IMPA2: variants seen among roughly 807,000 people sequenced by gnomAD.
The protein encoded by IMPA2 is inositol monophosphatase 2.
A neutral mutation model predicts 35.1 loss-of-function variants in IMPA2; 32 were observed. The ratio of observed to expected loss-of-function variants is 0.91; its 90% CI spans 0.69 to 1.23. IMPA2 has a LOEUF of 1.23. Ranked by LOEUF, IMPA2 falls within the 50% of genes most tolerant of loss-of-function variation. IMPA2 has a pLI of 0.00. For synonymous variants in IMPA2, 135 were observed against 160.6 expected (o/e 0.84, Z 1.20); for missense variants, 334 against 387.6 (o/e 0.86, Z 1.16).
chr18:12,024,400 C>T (rs981691807), intron 5 of IMPA2, among the ~76,000 whole-genome samples: 21 of 152,126 alleles, frequency 1.4e-4, no homozygotes, highest in African/African-American at 2.4e-4. Context: ...AAGAGAACTG[C>T]GTGAACCTGG....
intron 5 of IMPA2, among the ~76,000 whole-genome samples, chr18:12,022,269 C>T (rs1181204375): frequency 6.6e-6 from 1 of 151,910 alleles, no homozygotes; most frequent in South Asian, 2.1e-4. Flanking sequence ...CGGTGGCTCA[C>T]GCCTGTAATC....
intron 4 of IMPA2, among the ~76,000 whole-genome samples, chr18:12,014,019 T>A (rs1344696236): frequency 6.6e-6 from 1 of 152,202 alleles, no homozygotes; most frequent in Non-Finnish European, 1.5e-5. Context: ...TTTTTAAAGT[T>A]TTGTTTGTCT....
At chr18:12,023,780 GA>G (rs1907800941) in intron 5 of IMPA2, among the ~76,000 whole-genome samples, 1 of 152,192 alleles carries the variant, frequency 6.6e-6, no homozygotes, top group South Asian at 2.1e-4. Context: ...TCACTGTCCT[GA>G]TTTTACTGCT....
chr18:12,007,647 C>CTTTCTTTCTTTCTTTCTTTCTT, intron 2 of IMPA2, among the ~76,000 whole-genome samples: 1 of 101,846 alleles, frequency 9.8e-6, no homozygotes, highest in East Asian at 2.8e-4. Context: ...TTCTTTCTTT[C>CTTTCTTTCTTTCTTTCTTTCTT]TTTCTTTCTT....
At chr18:12,025,412 G>C (rs1230869613) in intron 5 of IMPA2, among the ~76,000 whole-genome samples, 1 of 152,204 alleles carries the variant, frequency 6.6e-6, no homozygotes, top group African/African-American at 2.4e-5. Context: ...TGGACGGTAT[G>C]GTAAGAGTAT....
In IMPA2 at chr18:12,028,827, CTT is replaced by C. The variant is rs765593296; in HGVS notation, c.600-14_600-13del. On this transcript the variant is annotated splice_polypyrimidine_tract_variant and intron_variant, in intron 6 of 7. Coordinates refer to ENST00000269159, the MANE Select transcript of IMPA2 (RefSeq NM_014214.3). ...CCACTCCCGCCTGCATCTGTCCTCC[CTT>C]CCCTCTCCCCAGGGTCCGAGTGATT... 1 of 1,613,012 alleles carries C rather than the reference CTT, an allele frequency of 6.2e-7. No homozygotes were observed. The highest frequency in any genetic ancestry group is 8.5e-7 in the Non-Finnish European group (1 of 1,179,504).
chr18:11,999,802 A>G (rs928985523), intron 2 of IMPA2, among the ~76,000 whole-genome samples: 1 of 152,254 alleles, frequency 6.6e-6, no homozygotes, highest in Non-Finnish European at 1.5e-5. Context: ...GATGCTAGCT[A>G]TTAATCTTTT....
intron 4 of IMPA2, among the ~76,000 whole-genome samples, chr18:12,013,395 C>T (rs1315532548): frequency 1.3e-5 from 2 of 152,316 alleles, no homozygotes; most frequent in Admixed American, 1.3e-4. Context: ...TCTGAAAAAG[C>T]GTTGACTGAA....
Position 12,030,666 on chromosome 18 carries a change from A to C in IMPA2, c.*208A>C. 1 of 568,434 alleles carries C rather than the reference A, an allele frequency of 1.8e-6. No homozygotes were observed. 35.2% of individuals were successfully genotyped at this position (568,434 alleles called of 1,614,324 possible). On this transcript the variant is annotated 3_prime_UTR_variant, in exon 8 of 8. Coordinates refer to ENST00000269159, the MANE Select transcript of IMPA2 (RefSeq NM_014214.3). ...TTGGTGTTTAGCTGTTTCTCTCTTT[A>C]ATCTCACGTAGCCTTTTTCAGGTTA...
intron 1 of IMPA2, among the ~76,000 whole-genome samples, chr18:11,986,101 A>G (rs551442881): frequency 3.3e-5 from 5 of 152,272 alleles, no homozygotes; most frequent in Admixed American, 1.3e-4. Context: ...AAATCTCAGG[A>G]CAAAGCAGAA....
chr18:11,995,412 C>T (rs528930997), intron 1 of IMPA2, among the ~76,000 whole-genome samples: 5 of 152,296 alleles, frequency 3.3e-5, no homozygotes, highest in South Asian at 2.1e-4. Context: ...CACGTATCCG[C>T]GTGGTGTGCA....
chr18:11,983,903 G>A (rs1413948829), intron 1 of IMPA2, among the ~76,000 whole-genome samples: 1 of 152,132 alleles, frequency 6.6e-6, no homozygotes, highest in African/African-American at 2.4e-5. Flanking sequence ...CCTGGTTCGG[G>A]GTGTAAAGGT....
intron 7 of IMPA2, among the ~76,000 whole-genome samples, 161 bp from the exon 8 acceptor site, chr18:12,030,182 C>G (rs1242134387): frequency 1.3e-5 from 2 of 152,246 alleles, no homozygotes; most frequent in African/African-American, 4.8e-5. Flanking sequence ...TATTCTTTGC[C>G]GAATTCACTC....
chr18:12,008,442 C>T (rs1256806607), intron 2 of IMPA2: 1 of 503,880 alleles, frequency 2.0e-6, no homozygotes, highest in East Asian at 5.6e-5. Context: ...TAGCGCCTGC[C>T]CAAGGCCTCA....
intron 2 of IMPA2, among the ~76,000 whole-genome samples, chr18:12,006,345 G>C (rs1298284437): frequency 6.6e-6 from 1 of 152,246 alleles, no homozygotes; most frequent in South Asian, 2.1e-4. Flanking sequence ...TGGTGGGCCT[G>C]TGCATCACCT....
At chr18:12,019,719 A>G (rs890024596) in intron 5 of IMPA2, among the ~76,000 whole-genome samples, 1 of 152,056 alleles carries the variant, frequency 6.6e-6, no homozygotes, top group African/African-American at 2.4e-5. Flanking sequence ...TCGTTTGGGA[A>G]ATGGTTTCAC....
chr18:12,002,445 A>G (rs1907138539), intron 2 of IMPA2, among the ~76,000 whole-genome samples: 1 of 152,154 alleles, frequency 6.6e-6, no homozygotes, highest in Admixed American at 6.5e-5. Flanking sequence ...GACCTGGAAG[A>G]CAGGTGTAGA....
intron 5 of IMPA2, among the ~76,000 whole-genome samples, chr18:12,015,802 CTG>C (rs1907561485): frequency 6.6e-6 from 1 of 152,242 alleles, no homozygotes; most frequent in Non-Finnish European, 1.5e-5. Context: ...CATTGTGTAA[CTG>C]GTGGTGAGGA....
chr18:12,017,862 G>C (rs1568036482), intron 5 of IMPA2: 1 of 328,348 alleles, frequency 3.0e-6, no homozygotes, highest in Non-Finnish European at 5.9e-6. Context: ...AAAGTGCTGG[G>C]GTTACAGTTG....
Sources: allele counts gnomAD v4.1 joint callset (sites outside exome capture counted in the v4.1 genomes callset), GRCh38; gene constraint gnomAD v4.1.1; transcripts MANE v1.5; gene names NCBI Gene and HGNC (gene_info 2026-07-23, HGNC 2026-07-21).